Variants in RBFOX1 observed in about 807,000 individuals in gnomAD.
The protein encoded by RBFOX1 is RNA binding fox-1 homolog 1.
In RBFOX1, 8 loss-of-function variants were observed where a neutral mutation model predicts 57.7. That is an observed-to-expected ratio of 0.14 (90% CI 0.08 to 0.25). RBFOX1 has a LOEUF of 0.25. Ranked by LOEUF, RBFOX1 falls within the 10% of genes least tolerant of loss-of-function variation. The pLI, the probability that RBFOX1 is intolerant of heterozygous loss-of-function variation, is 1.00. For missense variants in RBFOX1, 611 were observed against 548.5 expected, an observed-to-expected ratio of 1.11 and a Z score of -1.14; for synonymous variants, 326 against 222.4, an observed-to-expected ratio of 1.47 and a Z score of -4.15.
chr16:6,903,639 C>A (rs961114169), intron 3 of RBFOX1, among the ~76,000 whole-genome samples: 6 of 152,030 alleles, frequency 3.9e-5, no homozygotes, highest in African/African-American at 1.4e-4. Context: ...TGGGGACTGT[C>A]CTTTGGATAA....
chr16:6,848,515 T>A (rs1567542512), intron 3 of RBFOX1, among the ~76,000 whole-genome samples: 1 of 151,644 alleles, frequency 6.6e-6, no homozygotes, highest in Non-Finnish European at 1.5e-5. Context: ...ACATTATTGG[T>A]CAAATCTAAA....
rs942779789 is a variant in RBFOX1, at chr16:6,850,447, T to A, written c.-16+195797T>A. Among the ~76,000 whole-genome samples the A allele has an allele frequency of 4.0e-5, 6 of 151,868 alleles. No individual in the cohort carries two copies. The East Asian group carries it at 7.8e-4, about 20-fold the overall frequency. On this transcript the variant is annotated intron_variant, in intron 3 of 15. Transcript: ENST00000550418. Reference sequence around the variant, plus strand: ...AAGCTGAGGGGTAAAGGATGACAAATGAGGTTTGAGTTGAGAGCTTATCAG... The same window carrying A: ...AAGCTGAGGGGTAAAGGATGACAAAAGAGGTTTGAGTTGAGAGCTTATCAG...
chr16:7,482,171 G>T (rs1015342564), intron 4 of RBFOX1, among the ~76,000 whole-genome samples: 1 of 152,204 alleles, frequency 6.6e-6, no homozygotes, highest in Non-Finnish European at 1.5e-5. Context: ...CCATTGTGTT[G>T]CATGAAGGGT....
chr16:5,446,092 C>G (rs540988662), intron 1 of RBFOX1, among the ~76,000 whole-genome samples: 7 of 152,294 alleles, frequency 4.6e-5, no homozygotes, highest in African/African-American at 1.7e-4. Context: ...CAGGGTTGTA[C>G]TGCAGTCTTG....
intron 3 of RBFOX1, among the ~76,000 whole-genome samples, chr16:6,851,132 C>G (rs1450908247): frequency 6.6e-6 from 1 of 152,114 alleles, no homozygotes; most frequent in Non-Finnish European, 1.5e-5. Flanking sequence ...GAAAAAAAGC[C>G]CATTTCTAAA....
chr16:7,506,020 C>G (rs1318554695), intron 4 of RBFOX1, among the ~76,000 whole-genome samples: 1 of 151,490 alleles, frequency 6.6e-6, no homozygotes, highest in East Asian at 1.9e-4. Flanking sequence ...ACCATCTCTG[C>G]TAAAAATACA....
At chr16:5,267,595 G>A (rs1205406596) in intron 1 of RBFOX1, among the ~76,000 whole-genome samples, 1 of 152,060 alleles carries the variant, frequency 6.6e-6, no homozygotes, top group Admixed American at 6.6e-5. Flanking sequence ...ACTGTGCCTG[G>A]GCCCACACAT....
intron 3 of RBFOX1, among the ~76,000 whole-genome samples, chr16:6,940,763 A>AGTGTGTGT (rs61349150): frequency 0.024 from 2,708 of 114,324 alleles, 83 homozygotes; most frequent in Non-Finnish European, 0.033. Context: ...ATGTCCCGCT[A>AGTGTGTGT]GTGTGTGTGT....
chr16:7,670,195 C>T (rs2070923753), intron 13 of RBFOX1, among the ~76,000 whole-genome samples: 2 of 152,068 alleles, frequency 1.3e-5, no homozygotes. Flanking sequence ...CGACGCCTGG[C>T]TAATTTTTGG....
At chr16:6,313,097 A>G (rs72778222) in intron 1 of RBFOX1, among the ~76,000 whole-genome samples, 48,244 of 151,918 alleles carry the variant, frequency 0.32, 8,094 homozygotes, top group Middle Eastern at 0.41. Context: ...TCAAAGCCAT[A>G]GCATGCCAGG....
At chr16:7,426,074 A>T (rs571441203) in intron 4 of RBFOX1, among the ~76,000 whole-genome samples, 1 of 152,246 alleles carries the variant, frequency 6.6e-6, no homozygotes. Flanking sequence ...AGAAAGGCTT[A>T]TCTCGTTTAA....
rs138028200 is a variant in RBFOX1 at position 7,467,183 on chromosome 16, A to G, written c.28-50964A>G. 9.5e-3 allele frequency among the ~76,000 whole-genome samples: 1,451 copies of G among 152,294 alleles called. 24 individuals carry two copies. The highest frequency in any genetic ancestry group is 0.012 in the Non-Finnish European group (825 of 68,010). On this transcript the variant is annotated intron_variant, in intron 4 of 15. Transcript: ENST00000550418. ...GGAAATCAGACTTCTTTGCATCCCT[A>G]TGTGCTAATATAAGAATTCTGAGTT...
chr16:6,597,633 C>G (rs1003235009), intron 2 of RBFOX1, among the ~76,000 whole-genome samples: 1 of 152,058 alleles, frequency 6.6e-6, no homozygotes, highest in African/African-American at 2.4e-5. Flanking sequence ...GAGATAGCAC[C>G]ATTGCACTCC....
At chr16:5,371,202 C>A (rs924936541) in intron 1 of RBFOX1, among the ~76,000 whole-genome samples, 1 of 152,234 alleles carries the variant, frequency 6.6e-6, no homozygotes, top group African/African-American at 2.4e-5. Context: ...CCCACCTTGG[C>A]CTCCCACAGA....
Position 5,750,610 on chromosome 16 carries a change from C to A in RBFOX1, c.319-116693C>A, listed in dbSNP as rs141390812. Among the ~76,000 whole-genome samples, 1,034 of 152,336 alleles carry A rather than the reference C, an allele frequency of 6.8e-3. 11 individuals carry two copies. Among genetic ancestry groups the A allele is most frequent in the African/African-American group, 0.024 (995 of 41,576 alleles). Reference sequence around the variant, plus strand: ...CCTCGCTGCCGTCTTGCAGTTCGATCTCAGACGGCTGTGCTAGCAATGAGT... The same window carrying A: ...CCTCGCTGCCGTCTTGCAGTTCGATATCAGACGGCTGTGCTAGCAATGAGT... On this transcript the variant is annotated intron_variant, in intron 3 of 19. Transcript: ENST00000641259.
chr16:6,672,798 G>A (rs777786705), intron 3 of RBFOX1, among the ~76,000 whole-genome samples: 2 of 152,268 alleles, frequency 1.3e-5, no homozygotes, highest in Admixed American at 6.5e-5. Context: ...TAGAAAGATC[G>A]TTTCTCTTCC....
intron 1 of RBFOX1, among the ~76,000 whole-genome samples, chr16:6,237,125 C>G (rs1776079126): frequency 6.6e-6 from 1 of 152,186 alleles, no homozygotes; most frequent in Non-Finnish European, 1.5e-5. Context: ...ATGGTACTTA[C>G]TAAAATCTTA....
intron 3 of RBFOX1, among the ~76,000 whole-genome samples, chr16:6,660,707 C>A (rs2098695924): frequency 6.6e-6 from 1 of 152,162 alleles, no homozygotes; most frequent in Non-Finnish European, 1.5e-5. Flanking sequence ...TACTGCAAAT[C>A]ATTTTATATA....
chr16:5,883,163 C>G (rs1016901384), intron 4 of RBFOX1, among the ~76,000 whole-genome samples: 1 of 152,110 alleles, frequency 6.6e-6, no homozygotes, highest in Non-Finnish European at 1.5e-5. Context: ...AGGGGTTATA[C>G]ATCTCAGCTT....
Sources: allele counts gnomAD v4.1 joint callset (sites outside exome capture counted in the v4.1 genomes callset), GRCh38; gene constraint gnomAD v4.1.1; transcripts MANE v1.5; gene names NCBI Gene and HGNC (gene_info 2026-07-23, HGNC 2026-07-21).